TFCP2: variants seen among roughly 807,000 people sequenced by gnomAD.
TFCP2 encodes alpha-globin transcription factor CP2.
Under a neutral mutation model 73.4 loss-of-function variants are expected in TFCP2, and 33 were observed. That is an observed-to-expected ratio of 0.45 (90% CI 0.34 to 0.60). The LOEUF (loss-of-function observed/expected upper bound fraction) is 0.60. TFCP2 is among the 20% of genes least tolerant of loss of function. TFCP2 has a pLI of 0.01. For synonymous variants in TFCP2, 193 were observed against 211.6 expected (o/e 0.91, Z 0.76); for missense variants, 352 against 604.0 (o/e 0.58, Z 4.37).
At chr12:51,150,542 G>A (rs976490116) in intron 1 of TFCP2, among the ~76,000 whole-genome samples, 3 of 152,120 alleles carry the variant, frequency 2.0e-5, no homozygotes, top group Non-Finnish European at 2.9e-5. Context: ...TAAATACACT[G>A]TCCATCATAA....
chr12:51,126,351 G>A (rs969362011), intron 1 of TFCP2, among the ~76,000 whole-genome samples: 1 of 152,144 alleles, frequency 6.6e-6, no homozygotes, highest in African/African-American at 2.4e-5. Flanking sequence ...CAGCATGGAG[G>A]TATAGCAGAA....
intron 1 of TFCP2, among the ~76,000 whole-genome samples, chr12:51,140,445 C>CTTT (rs768526922): frequency 5.3e-3 from 465 of 88,062 alleles, no homozygotes; most frequent in East Asian, 7.3e-3. Context: ...TTTTCTTTTT[C>CTTT]TTTTTTTTTT....
chr12:51,112,075 C>T (rs1205298202), intron 4 of TFCP2, among the ~76,000 whole-genome samples: 2 of 152,056 alleles, frequency 1.3e-5, no homozygotes, highest in Non-Finnish European at 2.9e-5. Flanking sequence ...GAGAGAACTG[C>T]TTGAACCAGG....
At chr12:51,148,794 G>A (rs1229454181) in intron 1 of TFCP2, among the ~76,000 whole-genome samples, 2 of 151,478 alleles carry the variant, frequency 1.3e-5, no homozygotes, top group Non-Finnish European at 1.5e-5. Context: ...GAAAGCCGAG[G>A]TGGGCGGATC....
At chr12:51,163,678 T>C (rs1941695855) in intron 1 of TFCP2, among the ~76,000 whole-genome samples, 1 of 151,862 alleles carries the variant, frequency 6.6e-6, no homozygotes, top group Non-Finnish European at 1.5e-5. Flanking sequence ...TCCCAACACT[T>C]TGGGAAGCTG....
chr12:51,153,566 A>ACT (rs141470675), intron 1 of TFCP2, among the ~76,000 whole-genome samples: 140,265 of 151,962 alleles, frequency 0.92, 65,032 homozygotes, highest in Non-Finnish European at 0.97. Flanking sequence ...AGAACTACTC[A>ACT]CTCCCCTCTC....
chr12:51,146,894 G>A (rs1056147947), intron 1 of TFCP2, among the ~76,000 whole-genome samples: 2 of 152,156 alleles, frequency 1.3e-5, no homozygotes, highest in African/African-American at 4.8e-5. Flanking sequence ...TGTTTATTTA[G>A]ATTCAGCACC....
chr12:51,158,410 CT>C (rs1477965127), intron 1 of TFCP2, among the ~76,000 whole-genome samples: 1 of 152,168 alleles, frequency 6.6e-6, no homozygotes, highest in African/African-American at 2.4e-5. Context: ...CCACCCACCC[CT>C]GGGCATACAT....
chr12:51,118,562 A>T (rs1940588307), intron 2 of TFCP2, 59 bp downstream of exon 2: 1 of 1,573,670 alleles, frequency 6.4e-7, no homozygotes, highest in Non-Finnish European at 8.6e-7. Context: ...ACAAACAAAC[A>T]AAAAAATCAT....
chr12:51,148,513 A>G (rs1328399195), intron 1 of TFCP2, among the ~76,000 whole-genome samples: 2 of 151,996 alleles, frequency 1.3e-5, no homozygotes, highest in South Asian at 2.1e-4. Flanking sequence ...CAGCCTAGCC[A>G]ATATGGTGAA....
chr12:51,154,250 T>C (rs1444224941), intron 1 of TFCP2, among the ~76,000 whole-genome samples: 2 of 152,222 alleles, frequency 1.3e-5, no homozygotes, highest in South Asian at 4.1e-4. Flanking sequence ...AAGACTCCCA[T>C]GGATGTGTGA....
chr12:51,129,436 C>T (rs1940890857), intron 1 of TFCP2, among the ~76,000 whole-genome samples: 1 of 150,762 alleles, frequency 6.6e-6, no homozygotes, highest in South Asian at 2.1e-4. Context: ...TCTCTTGAAC[C>T]CAGGAGGCGG....
At chr12:51,103,570 T>C in intron 10 of TFCP2, 100 bp downstream of exon 10, 1 of 798,622 alleles carries the variant, frequency 1.3e-6, no homozygotes, top group Non-Finnish European at 2.0e-6. Context: ...AGATCTCTCA[T>C]ACACATATAC....
chr12:51,154,298 T>C (rs1390440678), intron 1 of TFCP2, among the ~76,000 whole-genome samples: 1 of 152,190 alleles, frequency 6.6e-6, no homozygotes, highest in African/African-American at 2.4e-5. Flanking sequence ...AGTGTGTTTT[T>C]TCCTATATAT....
chr12:51,143,526 A>G (rs12829630), intron 1 of TFCP2, among the ~76,000 whole-genome samples: 25,266 of 151,812 alleles, frequency 0.17, 2,349 homozygotes, highest in South Asian at 0.26. Flanking sequence ...ACTAGAATTT[A>G]TATGACAGTA....
In TFCP2 at chr12:51,094,541, G is replaced by C. The variant is rs984898537; in HGVS notation, c.*700C>G. On this transcript the variant is annotated 3_prime_UTR_variant, in exon 15 of 15. Coordinates refer to ENST00000257915, the MANE Select transcript of TFCP2 (RefSeq NM_005653.5). ...ACTGCCTGCCAGCTCCTGGCACCTA[G>C]CAAGCTACTTAGCCACTGTGTGTCT... 1.3e-5 allele frequency: 2 copies of C among 152,288 alleles called. No individual in the cohort carries two copies. Among genetic ancestry groups the C allele is most frequent in the Non-Finnish European group, 2.9e-5 (2 of 68,088 alleles). 9.4% of individuals were successfully genotyped at this position (152,288 alleles called of 1,614,324 possible).
chr12:51,109,088 G>T, intron 6 of TFCP2, 33 bp downstream of exon 6: 2 of 1,602,184 alleles, frequency 1.2e-6, no homozygotes, highest in Non-Finnish European at 1.7e-6. Context: ...TAAGGTAAAA[G>T]AATCCAAGGG....
intron 1 of TFCP2, chr12:51,125,202 G>A (rs1306732130): frequency 1.5e-6 from 1 of 648,610 alleles, no homozygotes; most frequent in Non-Finnish European, 2.9e-6. Context: ...ACGTGGTGGA[G>A]AAAGGCAAAG....
chr12:51,128,120 T>C lies in TFCP2; in HGVS notation c.123-9348A>G, dbSNP rs368705979. Among the ~76,000 whole-genome samples, 31 of 152,132 alleles carry C rather than the reference T, an allele frequency of 2.0e-4. 1 individual carries two copies. In the South Asian group the frequency reaches 6.0e-3, roughly 30 times the overall value. On this transcript the variant is annotated intron_variant, in intron 1 of 14. Transcript: ENST00000257915. ...TTTTAGTAGAGATGGGGTTTCACCATGTTGGCCAGGCTGGTCTCGAACTCC... is the reference window on the plus strand; with the variant it reads ...TTTTAGTAGAGATGGGGTTTCACCACGTTGGCCAGGCTGGTCTCGAACTCC...
Sources: gnomAD v4.1 joint callset for allele counts (sites outside exome capture counted in the v4.1 genomes callset) on GRCh38, gnomAD v4.1.1 for gene constraint, MANE v1.5 for transcripts, NCBI Gene and HGNC (gene_info 2026-07-23, HGNC 2026-07-21) for gene names.